ACOX3: variants seen among roughly 807,000 people sequenced by gnomAD.
ACOX3 encodes the protein peroxisomal acyl-coenzyme A oxidase 3.
Under a neutral mutation model 81.5 loss-of-function variants are expected in ACOX3, and 73 were observed. That is an observed-to-expected ratio of 0.90 (90% CI 0.74 to 1.09). The LOEUF is 1.09. ACOX3 is among the 50% of genes least tolerant of loss of function. The pLI, the probability that ACOX3 is intolerant of heterozygous loss-of-function variation, is 0.00. For synonymous variants in ACOX3, 387 were observed against 375.1 expected (o/e 1.03, Z -0.37); for missense variants, 947 against 928.0 (o/e 1.02, Z -0.27).
At position 8,370,429 on chromosome 4, in the gene ACOX3, C is replaced by T. The variant is rs551675690; in HGVS notation, c.1983+479G>A. On this transcript the variant is annotated intron_variant, in intron 17 of 17. Coordinates refer to ENST00000356406, the MANE Select transcript of ACOX3 (RefSeq NM_003501.3). The surrounding 1 kb of genome is among the most constrained non-coding windows in gnomAD (Gnocchi z 6.3). The stretch of plus-strand genomic sequence containing the variant: ...GGAGAGCTGAGGAGCCACAGGGAGG[C>T]GGTTGGGGGAAAGCGGGGCAGGGGA... 2.7e-5 allele frequency among the ~76,000 whole-genome samples: 4 copies of T among 149,786 alleles called. No individual in the cohort carries two copies. The highest frequency in any genetic ancestry group is 5.9e-5 in the Non-Finnish European group (4 of 67,548).
At chr4:8,357,196 A>G in the ACOX3 span, 4 of 456,698 alleles carry the variant, frequency 8.8e-6, no homozygotes, top group South Asian at 4.6e-5. Context: ...CCAGCAGGTG[A>G]GGGAAAGGAG....
downstream of ACOX3, among the ~76,000 whole-genome samples, chr4:8,364,964 G>T (rs2108770898): frequency 6.6e-6 from 1 of 152,256 alleles, no homozygotes; most frequent in African/African-American, 2.4e-5. This position sits in a 1 kb window ranked among gnomAD's most constrained non-coding sequence, Gnocchi z 5.0. Flanking sequence ...TCTAGCTGCG[G>T]GCACATCAGA....
intron 16 of ACOX3, among the ~76,000 whole-genome samples, chr4:8,371,548 T>C (rs1320633916): frequency 1.7e-4 from 26 of 149,750 alleles, no homozygotes; most frequent in Admixed American, 1.7e-3. Flanking sequence ...ACAAAAATTA[T>C]CCTTAAAATA....
chr4:8,406,512 G>A lies in ACOX3; in HGVS notation c.688-469C>T, dbSNP rs924513170. On this transcript the variant is annotated intron_variant, in intron 6 of 17. Transcript: ENST00000356406. The surrounding 1 kb of genome is among the most constrained non-coding windows in gnomAD (Gnocchi z 5.6). The stretch of plus-strand genomic sequence containing the variant: ...GATAAAAGAAAAGACGGCTGGGTCC[G>A]GGGGACCACTACCACCAAGACACGG... 7.9e-5 allele frequency among the ~76,000 whole-genome samples: 12 copies of A among 152,096 alleles called. No homozygotes were observed. Among genetic ancestry groups the A allele is most frequent in the Non-Finnish European group, 1.8e-4 (12 of 68,022 alleles).
chr4:8,375,469 C>T (rs923977472), intron 14 of ACOX3, among the ~76,000 whole-genome samples: 13 of 152,208 alleles, frequency 8.5e-5, no homozygotes, highest in Admixed American at 1.3e-4. Flanking sequence ...GAGCCGGCCT[C>T]GGGATGCTCT....
chr4:8,415,027 C>T (rs986420467), intron 3 of ACOX3, 99 bp from the exon 4 acceptor site: 14 of 1,094,690 alleles, frequency 1.3e-5, no homozygotes, highest in South Asian at 2.6e-5. Context: ...ACCATGCCCA[C>T]GCTGGTTCCC....
chr4:8,377,569 C>T (rs575152711), intron 14 of ACOX3, among the ~76,000 whole-genome samples: 6 of 152,318 alleles, frequency 3.9e-5, no homozygotes, highest in South Asian at 2.1e-4. Flanking sequence ...GAAGCGCCTG[C>T]GATGGCAGCT....
chr4:8,411,825 G>A (rs372074558), intron 5 of ACOX3, among the ~76,000 whole-genome samples: 15 of 152,298 alleles, frequency 9.8e-5, no homozygotes, highest in South Asian at 4.1e-4. Context: ...TGCTGTGCTC[G>A]CCACTTCCAG....
intron 1 of ACOX3, among the ~76,000 whole-genome samples, chr4:8,424,269 T>C (rs1343659647): frequency 6.6e-6 from 1 of 152,148 alleles, no homozygotes; most frequent in Non-Finnish European, 1.5e-5. Flanking sequence ...TGAATACCCA[T>C]TTAGTAAGAA....
Position 8,389,396 on chromosome 4 carries a change from C to T in ACOX3, c.1424-110G>A. On this transcript the variant is annotated intron_variant, in intron 12 of 17. Transcript: ENST00000356406. The surrounding 1 kb of genome is among the most constrained non-coding windows in gnomAD (Gnocchi z 5.3). ...GAGAGTGTCCAGAGGACCCGACGGC[C>T]ACAGACCCACAGGCGAGGGTCTGGG... is the stretch of plus-strand genomic sequence containing the variant. The T allele has an allele frequency of 7.8e-6, 10 of 1,283,496 alleles. No homozygotes were observed. The highest frequency in any genetic ancestry group is 9.7e-6 in the Non-Finnish European group (9 of 925,416). 79.5% of individuals were successfully genotyped at this position (1,283,496 alleles called of 1,614,324 possible).
chr4:8,433,663 G>A (rs1244442132), intron 1 of ACOX3, among the ~76,000 whole-genome samples: 1 of 152,206 alleles, frequency 6.6e-6, no homozygotes, highest in Non-Finnish European at 1.5e-5. Flanking sequence ...CATTTGGTCT[G>A]TGCTTTTATC....
intron 7 of ACOX3, among the ~76,000 whole-genome samples, chr4:8,403,437 C>T (rs757767179): frequency 2.0e-4 from 30 of 152,162 alleles, no homozygotes; most frequent in Non-Finnish European, 2.8e-4. Flanking sequence ...TGCATCACCC[C>T]GGCTGGCTCC....
In ACOX3 at chr4:8,394,528, A is replaced by ACTGAT; in HGVS notation, c.1179+87_1179+91dup. The ACTGAT allele has an allele frequency of 2.6e-6, 4 of 1,527,850 alleles. No individual in the cohort carries two copies. Among genetic ancestry groups the ACTGAT allele is most frequent in the Non-Finnish European group, 3.5e-6 (4 of 1,131,458 alleles). The allele number at this position is 1,527,850 out of a possible 1,614,324, so 94.6% of individuals were successfully genotyped here. ...ATGCTCTGTCCTCGCAAATCAAAGG[A>ACTGAT]CTGATTTTGCTTTGAAATGAAGGTT... On this transcript the variant is annotated intron_variant, in intron 10 of 17. Coordinates refer to ENST00000356406, the MANE Select transcript of ACOX3 (RefSeq NM_003501.3). The surrounding 1 kb of genome is among the most constrained non-coding windows in gnomAD (Gnocchi z 5.9).
chr4:8,425,883 T>C (rs953006437), intron 1 of ACOX3, among the ~76,000 whole-genome samples: 2 of 152,186 alleles, frequency 1.3e-5, no homozygotes, highest in African/African-American at 4.8e-5. Context: ...AGACGTTACT[T>C]AGGCATACAA....
intron 1 of ACOX3, among the ~76,000 whole-genome samples, chr4:8,440,215 T>C (rs1170134985): frequency 2.6e-5 from 4 of 152,256 alleles, no homozygotes; most frequent in African/African-American, 4.8e-5. Flanking sequence ...AATTTCTTTT[T>C]TGGGGAGCTC....
At chr4:8,428,914 G>A (rs1482815735) in intron 1 of ACOX3, among the ~76,000 whole-genome samples, 1 of 152,182 alleles carries the variant, frequency 6.6e-6, no homozygotes, top group Non-Finnish European at 1.5e-5. Context: ...GCATGCCCAA[G>A]AGCTTGCTGA....
rs59060797 is a variant in ACOX3, at chr4:8,414,753, GC to G, written c.453+100del. 3.8e-3 allele frequency: 4,461 copies of G among 1,182,092 alleles called. 84 individuals are homozygous for G. The African/African-American group carries it at 0.05, about 13-fold the overall frequency. 73.2% of individuals were successfully genotyped at this position (1,182,092 alleles called of 1,614,324 possible). A position where few individuals can be genotyped will look rare whatever the true frequency, so the allele number is the denominator to read the frequency against. The stretch of plus-strand genomic sequence containing the variant: ...ACACTAGGAAACAAGAAGAGCATAA[GC>G]CCCCTGGGCACCCCCTTCTACAATC... On this transcript the variant is annotated intron_variant, in intron 4 of 17. Coordinates refer to ENST00000356406, the MANE Select transcript of ACOX3 (RefSeq NM_003501.3). This position sits in a 1 kb window ranked among gnomAD's most constrained non-coding sequence, Gnocchi z 6.1.
At chr4:8,422,186 GA>G (rs1179025936) in intron 1 of ACOX3, among the ~76,000 whole-genome samples, 3 of 152,070 alleles carry the variant, frequency 2.0e-5, no homozygotes, top group African/African-American at 7.2e-5. Context: ...GAAAGAAAGA[GA>G]GAGGGGGGAA....
At chr4:8,426,879 T>C (rs1415680602) in intron 1 of ACOX3, among the ~76,000 whole-genome samples, 1 of 152,190 alleles carries the variant, frequency 6.6e-6, no homozygotes, top group Non-Finnish European at 1.5e-5. Flanking sequence ...CATGCTCCGA[T>C]GTTGATGACA....
Sources: gnomAD v4.1 joint callset for allele counts (sites outside exome capture counted in the v4.1 genomes callset) on GRCh38, gnomAD v4.1.1 for gene constraint, Gnocchi (gnomAD v3.1) non-coding constraint, MANE v1.5 for transcripts, NCBI Gene and HGNC (gene_info 2026-07-23, HGNC 2026-07-21) for gene names.